The following MAML3 variants were observed in gnomAD, a reference collection of about 807,000 sequenced individuals.
MAML3 encodes mastermind like transcriptional coactivator 3.
MAML3 carries 27 observed loss-of-function variants against 101.9 expected under a neutral mutation model. The observed-to-expected ratio is 0.27, with a 90% CI of 0.20 to 0.37. The LOEUF is 0.37. Among genes scored for constraint, MAML3 ranks in the 10% least tolerant of loss-of-function variants. The pLI is 1.00. For missense variants in MAML3, 1,316 were observed against 1,444.9 expected (o/e 0.91, Z 1.45); for synonymous variants, 501 against 555.9 (o/e 0.90, Z 1.39).
chr4:139,765,524 T>C (rs1729839523), intron 2 of MAML3, among the ~76,000 whole-genome samples: 1 of 152,268 alleles, frequency 6.6e-6, no homozygotes, highest in Admixed American at 6.5e-5. Context: ...AATGTAATAA[T>C]CATATTTTCA....
chr4:139,841,602 G>A (rs1408643724), intron 2 of MAML3, among the ~76,000 whole-genome samples: 4 of 152,202 alleles, frequency 2.6e-5, no homozygotes, highest in African/African-American at 7.2e-5. Flanking sequence ...AATGTAAACA[G>A]CTAAACCTAG....
intron 1 of MAML3, among the ~76,000 whole-genome samples, chr4:140,145,581 G>GT (rs1729045772): frequency 6.6e-6 from 1 of 151,890 alleles, no homozygotes; most frequent in African/African-American, 2.4e-5. Flanking sequence ...GTTTTGTTTT[G>GT]TTTGAGACAG....
intron 1 of MAML3, among the ~76,000 whole-genome samples, chr4:140,066,409 G>A (rs544737916): frequency 1.3e-5 from 2 of 152,292 alleles, no homozygotes; most frequent in South Asian, 2.1e-4. Flanking sequence ...CCTGGATAAC[G>A]TTGGCATCGC....
At chr4:139,824,159 A>G (rs957290736) in intron 2 of MAML3, among the ~76,000 whole-genome samples, 12 of 152,212 alleles carry the variant, frequency 7.9e-5, no homozygotes, top group Admixed American at 6.5e-4. Context: ...TTTATTTCAG[A>G]AGGAAATAAG....
In MAML3 at chr4:139,735,140, G is replaced by A. The variant is rs759339302; in HGVS notation, c.2080-4473C>T. Among the ~76,000 whole-genome samples the A allele has an allele frequency of 3.3e-5, 5 of 152,226 alleles. No individual in the cohort carries two copies. The highest frequency in any genetic ancestry group is 4.8e-5 in the African/African-American group (2 of 41,462). ...GAGCCAGGCAGTCAAGTGTTACTGC[G>A]TACAGCAGGTAGCCTGGCAACTGAG... On this transcript the variant is annotated intron_variant, in intron 2 of 4. Transcript: ENST00000509479. This position sits in a 1 kb window ranked among gnomAD's most constrained non-coding sequence, Gnocchi z 5.8.
intron 1 of MAML3, among the ~76,000 whole-genome samples, chr4:140,071,189 C>T (rs1727645448): frequency 6.6e-6 from 1 of 152,188 alleles, no homozygotes; most frequent in Non-Finnish European, 1.5e-5. Context: ...AGAGCTGCTG[C>T]AGACGACCCA....
chr4:140,120,215 C>A (rs968260408), intron 1 of MAML3, among the ~76,000 whole-genome samples: 6 of 126,602 alleles, frequency 4.7e-5, no homozygotes, highest in African/African-American at 1.9e-4. Context: ...CCAGCCTGGG[C>A]GACAGAGCGA....
At chr4:139,829,924 A>G (rs1188462776) in intron 2 of MAML3, among the ~76,000 whole-genome samples, 4 of 152,256 alleles carry the variant, frequency 2.6e-5, no homozygotes, top group African/African-American at 9.6e-5. Context: ...CTCTGTGACA[A>G]TGGGTCAGAT....
At chr4:139,860,216 TC>T (rs1232585588) in intron 2 of MAML3, among the ~76,000 whole-genome samples, 2 of 152,200 alleles carry the variant, frequency 1.3e-5, no homozygotes, top group Non-Finnish European at 1.5e-5. Context: ...TCCATGCGGA[TC>T]CTGCGTTCAC....
rs983725247 is a variant in MAML3 at position 139,927,459 on chromosome 4, CA to C, written c.469-36493del. 3.3e-5 allele frequency among the ~76,000 whole-genome samples: 5 copies of C among 152,306 alleles called. No homozygotes were observed. In the South Asian group the frequency reaches 8.3e-4, roughly 25 times the overall value. On this transcript the variant is annotated intron_variant, in intron 1 of 4. Coordinates refer to ENST00000509479, the MANE Select transcript of MAML3 (RefSeq NM_018717.5). The stretch of plus-strand genomic sequence containing the variant: ...TTAAGTGAGATATGCTGAGACTACG[CA>C]AATTCCGTTTCTCCTCAAATCGTTG...
intron 1 of MAML3, among the ~76,000 whole-genome samples, chr4:140,095,272 A>C (rs949332521): frequency 1.3e-5 from 2 of 152,208 alleles, no homozygotes; most frequent in African/African-American, 4.8e-5. Context: ...TTCACAGAGC[A>C]AATCAGTAGG....
At chr4:140,092,839 T>C (rs895446967) in intron 1 of MAML3, among the ~76,000 whole-genome samples, 1 of 141,164 alleles carries the variant, frequency 7.1e-6, no homozygotes, top group African/African-American at 2.6e-5. Flanking sequence ...AGTTTTGTGC[T>C]GTGCCTGGCT....
At chr4:140,059,368 C>T (rs1727405349) in intron 1 of MAML3, among the ~76,000 whole-genome samples, 1 of 152,122 alleles carries the variant, frequency 6.6e-6, no homozygotes, top group South Asian at 2.1e-4. Context: ...GTGTTCCTTT[C>T]CCTGAAGGAA....
intron 1 of MAML3, among the ~76,000 whole-genome samples, chr4:139,998,590 T>C (rs755947509): frequency 6.6e-6 from 1 of 152,194 alleles, no homozygotes; most frequent in Non-Finnish European, 1.5e-5. Context: ...GACACTCAGA[T>C]TCTATTGACT....
chr4:139,755,931 T>C (rs1729640917), intron 2 of MAML3, among the ~76,000 whole-genome samples: 1 of 152,242 alleles, frequency 6.6e-6, no homozygotes, highest in South Asian at 2.1e-4. Flanking sequence ...AAATAGTTTT[T>C]GCAAATTTGA....
intron 1 of MAML3, among the ~76,000 whole-genome samples, chr4:140,026,456 G>A (rs1478658862): frequency 4.6e-5 from 7 of 152,058 alleles, no homozygotes; most frequent in East Asian, 3.9e-4. Context: ...GTTTCACCAC[G>A]TTGGCCAGGC....
chr4:139,730,858 G>A, intron 2 of MAML3, 191 bp from the exon 3 acceptor site: 1 of 604,104 alleles, frequency 1.7e-6, no homozygotes, highest in Non-Finnish European at 2.9e-6. Context: ...AATGAGAGAG[G>A]CCACAAGGGA....
intron 2 of MAML3, among the ~76,000 whole-genome samples, chr4:139,776,513 T>C (rs1251233697): frequency 6.6e-6 from 1 of 152,174 alleles, no homozygotes; most frequent in African/African-American, 2.4e-5. Flanking sequence ...CCGGCAGCTT[T>C]AGGGAAAAGT....
intron 2 of MAML3, among the ~76,000 whole-genome samples, chr4:139,782,938 C>T (rs1730242913): frequency 6.6e-6 from 1 of 152,084 alleles, no homozygotes. Context: ...TATTTGCTGC[C>T]CTTTCCTATG....
Sources: gnomAD v4.1 joint callset for allele counts (sites outside exome capture counted in the v4.1 genomes callset) on GRCh38, gnomAD v4.1.1 for gene constraint, Gnocchi (gnomAD v3.1) non-coding constraint, MANE v1.5 for transcripts, NCBI Gene and HGNC (gene_info 2026-07-23, HGNC 2026-07-21) for gene names.